WEE2: variants seen among roughly 807,000 people sequenced by gnomAD.
The protein encoded by WEE2 is WEE2 oocyte meiosis inhibiting kinase, also known as wee1-like protein kinase 2.
Under a neutral mutation model 60.1 loss-of-function variants are expected in WEE2, and 50 were observed. The ratio of observed to expected loss-of-function variants is 0.83; its 90% CI spans 0.66 to 1.05. The LOEUF (loss-of-function observed/expected upper bound fraction) is 1.05, where lower values mean the gene tolerates loss of function less well. WEE2 is among the 50% of genes least tolerant of loss of function. WEE2 has a pLI of 0.00. For missense variants in WEE2, 631 were observed against 684.3 expected (o/e 0.92, Z 0.87); for synonymous variants, 240 against 241.0 (o/e 1.00, Z 0.04).
intron 4 of WEE2, 88 bp downstream of exon 4, chr7:141,719,332 T>C: frequency 8.5e-7 from 1 of 1,183,190 alleles, no homozygotes; most frequent in South Asian, 1.7e-5. Context: ...AGCACCGATG[T>C]CATTAAAAAT....
At chr7:141,730,258 C>T (rs1372999695) in intron 11 of WEE2, 37 bp from the exon 12 acceptor site, 8 of 1,606,818 alleles carry the variant, frequency 5.0e-6, no homozygotes, top group Non-Finnish European at 5.1e-6. Flanking sequence ...TGCCACTGAT[C>T]AATAACTTAT....
chr7:141,727,249 G>A, intron 9 of WEE2, 55 bp from the exon 10 acceptor site: 1 of 1,567,052 alleles, frequency 6.4e-7, no homozygotes, highest in Admixed American at 1.9e-5. Flanking sequence ...TGAATGGGAA[G>A]ATTTTTCCCA....
At chr7:141,718,728 A>G (rs918046191) in intron 3 of WEE2, among the ~76,000 whole-genome samples, 1 of 152,192 alleles carries the variant, frequency 6.6e-6, no homozygotes, top group African/African-American at 2.4e-5. Context: ...CCCAGGTCCC[A>G]GTTATTCTTT....
At position 141,708,666 on chromosome 7, in the gene WEE2, G is replaced by A; in HGVS notation, c.-93G>A. 1 of 1,149,162 alleles carries A rather than the reference G, an allele frequency of 8.7e-7. No individual in the cohort carries two copies. Among genetic ancestry groups the A allele is most frequent in the East Asian group, 2.4e-5 (1 of 42,432 alleles). The allele number at this position is 1,149,162 out of a possible 1,614,324, so 71.2% of individuals were successfully genotyped here. On this transcript the variant is annotated 5_prime_UTR_variant, in exon 1 of 12. Coordinates refer to ENST00000397541, the MANE Select transcript of WEE2 (RefSeq NM_001105558.1). ...TCAGGCTACCGTCGCGAAACCTGCA[G>A]GTTAAGTTATTTTCTCCTCCCTGCT...
In WEE2 at chr7:141,730,556, G is replaced by A. The variant is rs755344754; in HGVS notation, c.*236G>A. On this transcript the variant is annotated 3_prime_UTR_variant, in exon 12 of 12. Transcript: ENST00000397541. ...TCTTTGAGGAAGTGGGTCTCCTAATGTATACCCTTTCTGATATTGTATTTA... is the reference window on the plus strand; with the variant it reads ...TCTTTGAGGAAGTGGGTCTCCTAATATATACCCTTTCTGATATTGTATTTA... The A allele has an allele frequency of 1.3e-5, 6 of 466,132 alleles. No individual in the cohort carries two copies. Among genetic ancestry groups the A allele is most frequent in the African/African-American group, 2.0e-5 (1 of 50,212 alleles). 28.9% of individuals were successfully genotyped at this position (466,132 alleles called of 1,614,324 possible). A position where few individuals can be genotyped will look rare whatever the true frequency, so the allele number is the denominator to read the frequency against.
chr7:141,727,156 C>T (rs1354748675), intron 9 of WEE2, 148 bp from the exon 10 acceptor site: 3 of 766,042 alleles, frequency 3.9e-6, no homozygotes, highest in African/African-American at 3.5e-5. Flanking sequence ...CCAGGTGGAG[C>T]TCAGTTTTCA....
chr7:141,728,889 C>T (rs967444161), intron 10 of WEE2, among the ~76,000 whole-genome samples: 4 of 152,138 alleles, frequency 2.6e-5, no homozygotes, highest in African/African-American at 4.8e-5. Flanking sequence ...GAATCTAATA[C>T]CTGATGATCT....
chr7:141,708,555 G>T lies in WEE2; in HGVS notation c.-204G>T. The T allele has an allele frequency of 1.7e-6, 1 of 588,434 alleles. No homozygotes were observed. Among genetic ancestry groups the T allele is most frequent in the Non-Finnish European group, 3.0e-6 (1 of 331,164 alleles). 36.5% of individuals were successfully genotyped at this position (588,434 alleles called of 1,614,324 possible). A position where few individuals can be genotyped will look rare whatever the true frequency, so the allele number is the denominator to read the frequency against. ...CTTTCTTTAATCAGAATGGAAATCA[G>T]GATAAGCTGAGGTCTTATAGATTGG... On this transcript the variant is annotated 5_prime_UTR_variant, in exon 1 of 12. It adds an upstream start codon to the 5' untranslated region. Transcript: ENST00000397541.
intron 1 of WEE2, among the ~76,000 whole-genome samples, chr7:141,709,981 C>T (rs1306390646): frequency 6.6e-6 from 1 of 152,192 alleles, no homozygotes; most frequent in Admixed American, 6.5e-5. Flanking sequence ...CTGACTGCGA[C>T]ACAGTTGCTA....
rs780705246 is a variant in WEE2, at chr7:141,709,034, T to A, written c.276T>A (p.Pro92=). The A allele has an allele frequency of 6.2e-7, 1 of 1,614,064 alleles. No homozygotes were observed. The highest frequency in any genetic ancestry group is 8.5e-7 in the Non-Finnish European group (1 of 1,179,978). The change falls in exon 1 of 12, where the codon CCT becomes CCA. Residue 92 remains proline (P), a synonymous_variant. Coordinates refer to ENST00000397541, the MANE Select transcript of WEE2 (RefSeq NM_001105558.1). Reference sequence around the variant, plus strand: ...CAGTGTCACACCCTCTCAAATGTCCTGAGACACCAGCCCAACCAGACAGCA... The same window carrying A: ...CAGTGTCACACCCTCTCAAATGTCCAGAGACACCAGCCCAACCAGACAGCA... ...RTPVSHPLKC[P]ETPAQPDSRS... is the part of the protein sequence containing the mutation.
chr7:141,723,928 A>T lies in WEE2; in HGVS notation c.1028-13A>T. On this transcript the variant is annotated splice_polypyrimidine_tract_variant and intron_variant, in intron 6 of 11. Transcript: ENST00000397541. ...AGTCATTACTTACATCTATCCTGTC[A>T]TTTTTTTTTCAGGTAATATATTCAT... is the stretch of plus-strand genomic sequence containing the variant. The T allele has an allele frequency of 1.3e-6, 2 of 1,517,056 alleles. No homozygotes were observed. The highest frequency in any genetic ancestry group is 1.2e-5 in the South Asian group (1 of 84,316). 94.0% of individuals were successfully genotyped at this position (1,517,056 alleles called of 1,614,324 possible).
chr7:141,709,209 G>T, intron 1 of WEE2, 109 bp downstream of exon 1: 3 of 771,998 alleles, frequency 3.9e-6, no homozygotes, highest in Non-Finnish European at 6.4e-6. Context: ...TCCAGGCTGT[G>T]TATATCCTCA....
At chr7:141,709,147 C>A (rs1188075533) in intron 1 of WEE2, 47 bp downstream of exon 1, 2 of 1,535,154 alleles carry the variant, frequency 1.3e-6, no homozygotes, top group East Asian at 4.5e-5. Flanking sequence ...CCAAGCTCTG[C>A]TTTCCTGTAG....
At chr7:141,727,468 G>A (rs1370817292) in intron 10 of WEE2, 22 bp downstream of exon 10, 2 of 1,612,454 alleles carry the variant, frequency 1.2e-6, no homozygotes, top group East Asian at 2.2e-5. Flanking sequence ...GATGATGGGG[G>A]GTCAAGAAAG....
At chr7:141,725,483 G>A (rs1014581210) in intron 9 of WEE2, among the ~76,000 whole-genome samples, 1 of 151,958 alleles carries the variant, frequency 6.6e-6, no homozygotes, top group African/African-American at 2.4e-5. Context: ...AAATTAGCCG[G>A]GCATGGTGGC....
intron 8 of WEE2, 128 bp from the exon 9 acceptor site, chr7:141,724,898 G>GT: frequency 1.9e-6 from 2 of 1,041,386 alleles, no homozygotes; most frequent in South Asian, 3.2e-5. Context: ...TACAGCGAAT[G>GT]TATCTTTGAC....
rs1798662438 is a variant in WEE2 at position 141,708,783 on chromosome 7, G to T, written c.25G>T (p.Glu9Ter). Residue 9 changes from glutamate to a stop codon, truncating the protein, a stop_gained, in exon 1 of 12, where the codon GAA (glutamate) becomes TAA (stop). Transcript: ENST00000397541. LOFTEE classifies it high-confidence loss of function. Reference sequence around the variant, plus strand: ...GATGGATGACAAAGATATTGACAAAGAACTAAGGCAGAAATTAAACTTTTC... The same window carrying T: ...GATGGATGACAAAGATATTGACAAATAACTAAGGCAGAAATTAAACTTTTC... MDDKDIDK[E>*]LRQKLNFSYC... 6.2e-7 allele frequency: 1 copy of T among 1,613,832 alleles called. No individual in the cohort carries two copies. Among genetic ancestry groups the T allele is most frequent in the Non-Finnish European group, 8.5e-7 (1 of 1,179,904 alleles).
intron 4 of WEE2, among the ~76,000 whole-genome samples, chr7:141,719,653 G>A (rs1416060592): frequency 6.6e-6 from 1 of 152,142 alleles, no homozygotes; most frequent in African/African-American, 2.4e-5. Context: ...GTTTCACCAT[G>A]TTGGCCAGGA....
chr7:141,729,503 C>T (rs1414693388), intron 10 of WEE2, 28 bp from the exon 11 acceptor site: 2 of 1,613,976 alleles, frequency 1.2e-6, no homozygotes, highest in Admixed American at 1.7e-5. Flanking sequence ...GATCAAGTAG[C>T]CTTTGCTTTT....
Sources: gnomAD v4.1 joint callset for allele counts (sites outside exome capture counted in the v4.1 genomes callset) on GRCh38, gnomAD v4.1.1 for gene constraint, MANE v1.5 for transcripts, NCBI Gene and HGNC (gene_info 2026-07-23, HGNC 2026-07-21) for gene names.